Variants in NDUFAF2 observed in about 807,000 individuals in gnomAD.
NDUFAF2 encodes the protein NADH:ubiquinone oxidoreductase complex assembly factor 2.
NDUFAF2 carries 13 observed loss-of-function variants against 22.8 expected under a neutral mutation model. That is an observed-to-expected ratio of 0.57 (90% CI 0.37 to 0.91). The LOEUF (loss-of-function observed/expected upper bound fraction) is 0.91, where lower values mean the gene tolerates loss of function less well. NDUFAF2 is among the 40% of genes least tolerant of loss of function. The pLI is 0.01. For synonymous variants in NDUFAF2, 53 were observed against 64.2 expected (o/e 0.83, Z 0.84); for missense variants, 162 against 195.2 (o/e 0.83, Z 1.01).
intron 1 of NDUFAF2, among the ~76,000 whole-genome samples, chr5:60,974,384 T>C (rs1475871804): frequency 6.6e-6 from 1 of 152,180 alleles, no homozygotes; most frequent in African/African-American, 2.4e-5. Context: ...TTTTAAAGTT[T>C]TGGGACTCGA....
At chr5:61,100,352 A>G (rs1380145748) in intron 3 of NDUFAF2, among the ~76,000 whole-genome samples, 1 of 152,084 alleles carries the variant, frequency 6.6e-6, no homozygotes, top group South Asian at 2.1e-4. Context: ...CTCAGGCACA[A>G]CTTCTGTAAA....
intron 1 of NDUFAF2, among the ~76,000 whole-genome samples, chr5:60,983,601 T>C (rs1751022635): frequency 6.6e-6 from 1 of 150,918 alleles, no homozygotes; most frequent in African/African-American, 2.5e-5. Flanking sequence ...AGGGATCCAG[T>C]TTCAGCTTTC....
At chr5:61,120,863 A>ATT (rs1417569870) in intron 3 of NDUFAF2, among the ~76,000 whole-genome samples, 1 of 151,932 alleles carries the variant, frequency 6.6e-6, no homozygotes. Flanking sequence ...TTATCCATAC[A>ATT]TTTTTTCTCA....
At position 61,040,280 on chromosome 5, in the gene NDUFAF2, A is replaced by ACGCGCG. The variant is rs745774856; in HGVS notation, c.128-32844_128-32843insGCGCGC. Among the ~76,000 whole-genome samples the ACGCGCG allele has an allele frequency of 1.1e-4, 13 of 114,702 alleles. No homozygotes were observed. The South Asian group carries it at 4.5e-3, about 39-fold the overall frequency. The allele number at this position is 114,702 out of a possible 152,430, so 75.2% of individuals were successfully genotyped here. Reference sequence around the variant, plus strand: ...CACACACACACACACACACACACACACACACACGCGCGCGCGCGCGCGAAA... The same window carrying ACGCGCG: ...CACACACACACACACACACACACACACGCGCGCACACACGCGCGCGCGCGCGCGAAA... On this transcript the variant is annotated intron_variant, in intron 1 of 3. Coordinates refer to ENST00000296597, the MANE Select transcript of NDUFAF2 (RefSeq NM_174889.5).
At chr5:60,980,465 T>C (rs1314385810) in intron 1 of NDUFAF2, among the ~76,000 whole-genome samples, 1 of 152,006 alleles carries the variant, frequency 6.6e-6, no homozygotes, top group Admixed American at 6.6e-5. Flanking sequence ...AACAAAGAAA[T>C]ACAAATAATT....
At chr5:60,972,545 C>T (rs568312220) in intron 1 of NDUFAF2, among the ~76,000 whole-genome samples, 11 of 152,196 alleles carry the variant, frequency 7.2e-5, no homozygotes, top group African/African-American at 1.7e-4. Flanking sequence ...CCCAGGTATG[C>T]GGAACTGTGA....
At chr5:61,082,616 G>A (rs1752457672) in intron 2 of NDUFAF2, among the ~76,000 whole-genome samples, 1 of 152,122 alleles carries the variant, frequency 6.6e-6, no homozygotes. Flanking sequence ...GGGAGAACAT[G>A]CAGTATTTGG....
At chr5:61,107,046 T>TATACACACACACACACACACACAC (rs1295236944) in intron 3 of NDUFAF2, among the ~76,000 whole-genome samples, 2 of 123,938 alleles carry the variant, frequency 1.6e-5, no homozygotes, top group East Asian at 5.3e-4. Context: ...TGGATAAATA[T>TATACACACACACACACACACACAC]ACACACACAC....
chr5:61,043,290 C>T (rs544630693), intron 1 of NDUFAF2, among the ~76,000 whole-genome samples: 7 of 152,130 alleles, frequency 4.6e-5, no homozygotes, highest in East Asian at 1.9e-4. Context: ...AAAAGTATTT[C>T]GAGTGCAGTG....
At chr5:61,103,237 C>G (rs1752724525) in intron 3 of NDUFAF2, among the ~76,000 whole-genome samples, 1 of 152,012 alleles carries the variant, frequency 6.6e-6, no homozygotes. Flanking sequence ...CTTAGGCTAC[C>G]CTACTCTTCT....
intron 1 of NDUFAF2, among the ~76,000 whole-genome samples, chr5:60,990,786 A>G (rs982985960): frequency 1.4e-4 from 22 of 152,188 alleles, no homozygotes; most frequent in Non-Finnish European, 2.1e-4. Context: ...AATCATTATC[A>G]TTAAAATTTT....
intron 1 of NDUFAF2, among the ~76,000 whole-genome samples, chr5:60,962,694 C>T (rs1750705126): frequency 6.6e-6 from 1 of 151,362 alleles, no homozygotes; most frequent in African/African-American, 2.4e-5. Flanking sequence ...TTAGCCAGGC[C>T]TGGTGGCACG....
chr5:60,946,070 A>G (rs919732689), intron 1 of NDUFAF2, among the ~76,000 whole-genome samples: 1 of 152,152 alleles, frequency 6.6e-6, no homozygotes, highest in Non-Finnish European at 1.5e-5. Flanking sequence ...GTTACTGTGT[A>G]GGATTCGTGC....
intron 1 of NDUFAF2, among the ~76,000 whole-genome samples, chr5:60,949,636 C>A (rs534936395): frequency 2.6e-5 from 4 of 152,254 alleles, no homozygotes; most frequent in Admixed American, 2.0e-4. Context: ...CTTAGCCTCA[C>A]AAAGTATTTT....
At chr5:61,118,771 C>G (rs139818765) in intron 3 of NDUFAF2, among the ~76,000 whole-genome samples, 1 of 151,856 alleles carries the variant, frequency 6.6e-6, no homozygotes, top group African/African-American at 2.4e-5. Context: ...GTGCAAAAAA[C>G]GAAGAAAAAA....
At chr5:61,133,561 G>T (rs1318424536) in intron 3 of NDUFAF2, among the ~76,000 whole-genome samples, 2 of 151,996 alleles carry the variant, frequency 1.3e-5, no homozygotes, top group African/African-American at 4.8e-5. Context: ...GTTACAAAGG[G>T]AAGGGGTATA....
Position 61,106,052 on chromosome 5 carries a change from C to T in NDUFAF2, c.258+7020C>T, listed in dbSNP as rs997018757. Among the ~76,000 whole-genome samples, 11 of 151,290 alleles carry T rather than the reference C, an allele frequency of 7.3e-5. 1 individual carries two copies. The highest frequency in any genetic ancestry group is 1.5e-4 in the African/African-American group (6 of 40,740). On this transcript the variant is annotated intron_variant, in intron 3 of 3. Transcript: ENST00000296597. ...AAAAACAATGACCTAGTTAAAAATC[C>T]GTTTAAGAAGCAATTAGATGCTAAC...
At chr5:60,992,523 G>T (rs1751174649) in intron 1 of NDUFAF2, among the ~76,000 whole-genome samples, 1 of 151,998 alleles carries the variant, frequency 6.6e-6, no homozygotes, top group African/African-American at 2.4e-5. Flanking sequence ...TCATCATTTA[G>T]TCTTTCTACT....
chr5:61,112,078 G>T (rs949893532), intron 3 of NDUFAF2, among the ~76,000 whole-genome samples: 3 of 151,910 alleles, frequency 2.0e-5, no homozygotes, highest in African/African-American at 4.8e-5. Flanking sequence ...TTGTATTGGG[G>T]TCTGTCTCTT....
Sources: allele counts gnomAD v4.1 joint callset (sites outside exome capture counted in the v4.1 genomes callset), GRCh38; gene constraint gnomAD v4.1.1; transcripts MANE v1.5; gene names NCBI Gene and HGNC (gene_info 2026-07-23, HGNC 2026-07-21).